The following FAM120A variants were observed in gnomAD, a reference collection of about 807,000 sequenced individuals.
The protein encoded by FAM120A is family with sequence similarity 120 member A.
Under a neutral mutation model 109.7 loss-of-function variants are expected in FAM120A, and 15 were observed. That is an observed-to-expected ratio of 0.14 (90% confidence interval 0.09 to 0.21). The LOEUF (loss-of-function observed/expected upper bound fraction) is 0.21. FAM120A is among the 10% of genes least tolerant of loss of function. FAM120A has a pLI of 1.00. For missense variants in FAM120A, 899 were observed against 1,439.3 expected, an observed-to-expected ratio of 0.62 and a Z score of 6.07; for synonymous variants, 493 against 572.8, an observed-to-expected ratio of 0.86 and a Z score of 1.99.
chr9:93,504,709 T>A (rs1859953790), intron 5 of FAM120A, among the ~76,000 whole-genome samples: 2 of 152,220 alleles, frequency 1.3e-5, no homozygotes, highest in Non-Finnish European at 2.9e-5. Flanking sequence ...GAAAATGGAC[T>A]GTTTCCAGCT....
chr9:93,540,196 G>A (rs563991812), intron 10 of FAM120A, among the ~76,000 whole-genome samples: 1 of 152,132 alleles, frequency 6.6e-6, no homozygotes, highest in African/African-American at 2.4e-5. Context: ...TCTTATCCCA[G>A]CCCTACCTGG....
chr9:93,514,549 CA>C (rs1860479705), intron 5 of FAM120A, among the ~76,000 whole-genome samples: 1 of 152,208 alleles, frequency 6.6e-6, no homozygotes, highest in East Asian at 1.9e-4. Context: ...TCTGTGTCTT[CA>C]GCAGTGTGCA....
chr9:93,484,937 T>C (rs1433758583), intron 3 of FAM120A, among the ~76,000 whole-genome samples: 1 of 152,208 alleles, frequency 6.6e-6, no homozygotes, highest in East Asian at 1.9e-4. Context: ...ATAATGTCAG[T>C]CTTCAAAACG....
At chr9:93,527,992 A>G (rs1861161651) in intron 8 of FAM120A, among the ~76,000 whole-genome samples, 2 of 152,182 alleles carry the variant, frequency 1.3e-5, no homozygotes, top group Admixed American at 1.3e-4. Context: ...TTGCAAAGCC[A>G]TGTACGTCTG....
rs368086720 is a variant in FAM120A, at chr9:93,463,066, G to A, written c.475-8075G>A. Among the ~76,000 whole-genome samples, 59 of 152,156 alleles carry A rather than the reference G, an allele frequency of 3.9e-4. 1 individual carries two copies. The Middle Eastern group carries it at 0.01, about 26-fold the overall frequency. On this transcript the variant is annotated intron_variant, in intron 1 of 17. Coordinates refer to ENST00000277165, the MANE Select transcript of FAM120A (RefSeq NM_014612.5). The stretch of plus-strand genomic sequence containing the variant: ...TTGCTGTATCTTAGGGTAGTTCTGC[G>A]TTCAGTTTTTTGAGGAATCACCATA...
intron 3 of FAM120A, among the ~76,000 whole-genome samples, chr9:93,491,988 T>G (rs7850600): frequency 0.044 from 6,670 of 152,268 alleles, 492 homozygotes; most frequent in African/African-American, 0.15. Context: ...CAAATTACTT[T>G]AACCCTCCTG....
intron 10 of FAM120A, among the ~76,000 whole-genome samples, chr9:93,534,959 A>ATGGGTATT (rs1564350172): frequency 6.6e-6 from 1 of 152,192 alleles, no homozygotes. Context: ...ATCATGGAGC[A>ATGGGTATT]TGGGTATTTT....
At chr9:93,486,597 G>A (rs1299786164) in intron 3 of FAM120A, among the ~76,000 whole-genome samples, 2 of 147,180 alleles carry the variant, frequency 1.4e-5, no homozygotes, top group East Asian at 2.0e-4. Flanking sequence ...GCTGTGGCAT[G>A]ATCTTGGCTC....
intron 5 of FAM120A, among the ~76,000 whole-genome samples, chr9:93,511,270 C>T (rs1860305845): frequency 1.3e-5 from 2 of 152,194 alleles, no homozygotes; most frequent in African/African-American, 2.4e-5. Context: ...GTCACCAGGC[C>T]TCCTCTTCTG....
At chr9:93,496,039 A>C (rs904953164) in intron 3 of FAM120A, among the ~76,000 whole-genome samples, 1 of 152,178 alleles carries the variant, frequency 6.6e-6, no homozygotes, top group African/African-American at 2.4e-5. Flanking sequence ...TGTCCATAAC[A>C]AGTACTTCTT....
chr9:93,542,334 G>T (rs1426847815), intron 10 of FAM120A, among the ~76,000 whole-genome samples: 1 of 152,138 alleles, frequency 6.6e-6, no homozygotes, highest in Non-Finnish European at 1.5e-5. Context: ...TTCCCTATTG[G>T]GTTGTTACCT....
At chr9:93,459,879 A>G (rs1478333064) in intron 1 of FAM120A, among the ~76,000 whole-genome samples, 3 of 152,256 alleles carry the variant, frequency 2.0e-5, no homozygotes, top group Non-Finnish European at 4.4e-5. Flanking sequence ...TGCCAAGGTA[A>G]GGAAATCTTG....
chr9:93,562,389 C>T, intron 17 of FAM120A, 85 bp downstream of exon 17: 1 of 981,408 alleles, frequency 1.0e-6, no homozygotes, highest in Non-Finnish European at 1.6e-6. Context: ...TACCTGCGCT[C>T]AGACAGAAGA....
At chr9:93,459,424 A>T (rs374964332) in intron 1 of FAM120A, among the ~76,000 whole-genome samples, 1 of 152,132 alleles carries the variant, frequency 6.6e-6, no homozygotes, top group Non-Finnish European at 1.5e-5. Context: ...TGTTTTTTTA[A>T]TCTTAAATTT....
chr9:93,518,845 C>T (rs1280341803), intron 7 of FAM120A, among the ~76,000 whole-genome samples: 2 of 152,184 alleles, frequency 1.3e-5, no homozygotes, highest in East Asian at 1.9e-4. Context: ...TTGTTCATCC[C>T]GTGGCCCACG....
intron 5 of FAM120A, among the ~76,000 whole-genome samples, chr9:93,510,264 C>T (rs1353977717): frequency 6.6e-6 from 1 of 152,210 alleles, no homozygotes; most frequent in Non-Finnish European, 1.5e-5. Flanking sequence ...GTGACACAGG[C>T]TGCCTGATCA....
chr9:93,503,175 A>G (rs1859879273), intron 5 of FAM120A, among the ~76,000 whole-genome samples: 1 of 152,254 alleles, frequency 6.6e-6, no homozygotes, highest in East Asian at 1.9e-4. Flanking sequence ...AAAATGGTAC[A>G]GCGACTTTGG....
chr9:93,543,581 C>A, intron 11 of FAM120A, 110 bp downstream of exon 11: 2 of 1,367,624 alleles, frequency 1.5e-6, no homozygotes, highest in South Asian at 1.5e-5. Flanking sequence ...CCTGATCAAT[C>A]ATGTTGAAAT....
At chr9:93,485,277 C>T (rs930101832) in intron 3 of FAM120A, among the ~76,000 whole-genome samples, 1 of 152,052 alleles carries the variant, frequency 6.6e-6, no homozygotes, top group African/African-American at 2.4e-5. Context: ...CAGGCAAGTT[C>T]CTTCCAAGAC....
Sources: gnomAD v4.1 joint callset for allele counts (sites outside exome capture counted in the v4.1 genomes callset) on GRCh38, gnomAD v4.1.1 for gene constraint, MANE v1.5 for transcripts, NCBI Gene and HGNC (gene_info 2026-07-23, HGNC 2026-07-21) for gene names.